Variants in PLAGL1 observed in about 807,000 individuals in gnomAD.
The protein encoded by PLAGL1 is zinc finger protein PLAGL1.
In PLAGL1, 1 loss-of-function variant was observed where a neutral mutation model predicts 4.6. The ratio of observed to expected loss-of-function variants is 0.22; its 90% CI spans 0.08 to 1.03. The LOEUF is 1.03. Among genes scored for constraint, PLAGL1 ranks in the 50% least tolerant of loss-of-function variants. PLAGL1 has a pLI of 0.58. For missense variants in PLAGL1, 464 were observed against 570.4 expected (o/e 0.81, Z 1.90); for synonymous variants, 240 against 237.8 (o/e 1.01, Z -0.08).
Position 143,960,467 on chromosome 6 carries a change from A to T in PLAGL1, c.-325+2T>A, listed in dbSNP as rs1410148810. On this transcript the variant is annotated splice_donor_variant, in intron 6 of 7. Transcript: ENST00000674357. LOFTEE classifies it low-confidence loss of function (5UTR_SPLICE). This position sits in a 1 kb window ranked among gnomAD's most constrained non-coding sequence, Gnocchi z 5.7. ...CTAGAAATAATCTTAAAACATGCGC[A>T]CCTACTGAGTGACAGGGAACATCTG... is the stretch of plus-strand genomic sequence containing the variant. The T allele has an allele frequency of 6.6e-6, 1 of 152,228 alleles. No individual in the cohort carries two copies. Among genetic ancestry groups the T allele is most frequent in the African/African-American group, 2.4e-5 (1 of 41,450 alleles). The allele number at this position is 152,228 out of a possible 1,614,324, so 9.4% of individuals were successfully genotyped here. A position where few individuals can be genotyped will look rare whatever the true frequency, so the allele number is the denominator to read the frequency against.
At position 144,032,191 on chromosome 6, in the gene PLAGL1, G is replaced by A. The variant is rs112589875; in HGVS notation, c.-151+32277C>T. Among the ~76,000 whole-genome samples the A allele has an allele frequency of 6.6e-4, 99 of 150,896 alleles. 1 individual carries two copies. The East Asian group carries it at 0.013, about 19-fold the overall frequency. ...GCTGGAGTGCAGTGACACAATCACA[G>A]CTCACTGCAGCCTCAACTTCCTGGG... On this transcript the variant is annotated intron_variant, in intron 1 of 3. Transcript: ENST00000437412.
intron 1 of PLAGL1, among the ~76,000 whole-genome samples, chr6:143,987,083 A>T (rs369468221): frequency 6.6e-6 from 1 of 152,240 alleles, no homozygotes; most frequent in Admixed American, 6.5e-5. Flanking sequence ...AAACATTTTC[A>T]GTTAAAAGGT....
At position 143,957,768 on chromosome 6, in the gene PLAGL1, A is replaced by G. The variant is rs1782461653; in HGVS notation, c.-325+2701T>C. ...ATCTGAGATCTAGAAAGGATGCTCAAGACTTGGGTGGACTGTTTGATCCTA... is the reference window on the plus strand; with the variant it reads ...ATCTGAGATCTAGAAAGGATGCTCAGGACTTGGGTGGACTGTTTGATCCTA... On this transcript the variant is annotated intron_variant, in intron 6 of 7. Coordinates refer to ENST00000674357, the MANE Select transcript of PLAGL1 (RefSeq NM_001317162.2). The surrounding 1 kb of genome is among the most constrained non-coding windows in gnomAD (Gnocchi z 4.2). Among the ~76,000 whole-genome samples, 1 of 152,228 alleles carries G rather than the reference A, an allele frequency of 6.6e-6. No homozygotes were observed. The highest frequency in any genetic ancestry group is 6.5e-5 in the Admixed American group (1 of 15,284).
chr6:144,010,618 T>C (rs1795107939), upstream of PLAGL1, among the ~76,000 whole-genome samples: 1 of 152,178 alleles, frequency 6.6e-6, no homozygotes. This position sits in a 1 kb window ranked among gnomAD's most constrained non-coding sequence, Gnocchi z 4.1. Context: ...AAATTTCATA[T>C]GGAACCAAAA....
In PLAGL1 at chr6:143,950,361, G is replaced by T. The variant is rs1035267178; in HGVS notation, c.-324-1901C>A. 2.0e-5 allele frequency among the ~76,000 whole-genome samples: 3 copies of T among 152,070 alleles called. No homozygotes were observed. The highest frequency in any genetic ancestry group is 7.2e-5 in the African/African-American group (3 of 41,410). ...TAGTTCATGCCTGAGGCCCTATCTT[G>T]AGGAATCCTCAACAGCCCTGGTCAC... On this transcript the variant is annotated intron_variant, in intron 6 of 7. Transcript: ENST00000674357. This position sits in a 1 kb window ranked among gnomAD's most constrained non-coding sequence, Gnocchi z 6.3.
intron 1 of PLAGL1, among the ~76,000 whole-genome samples, chr6:144,024,014 C>A (rs933373476): frequency 2.0e-5 from 3 of 152,010 alleles, no homozygotes; most frequent in Non-Finnish European, 4.4e-5. Context: ...TGGCCTCAAG[C>A]AATTGGCCCG....
At chr6:143,993,370 A>ACACACACACAAT (rs1790947795) in intron 1 of PLAGL1, among the ~76,000 whole-genome samples, 1 of 147,516 alleles carries the variant, frequency 6.8e-6, no homozygotes, top group Non-Finnish European at 1.5e-5. Flanking sequence ...ACACACACAC[A>ACACACACACAAT]ATTGACATGT....
rs984050904 is a variant in PLAGL1 at position 143,989,062 on chromosome 6, C to T, written c.-583-3888G>A. Among the ~76,000 whole-genome samples, 7 of 152,124 alleles carry T rather than the reference C, an allele frequency of 4.6e-5. No homozygotes were observed. The highest frequency in any genetic ancestry group is 4.6e-4 in the Admixed American group (7 of 15,278). ...AGAGGGAGAAAAATTCAGAGTAGAC[C>T]ACTCAAAACCTATGCACTTTTGTAA... On this transcript the variant is annotated intron_variant, in intron 1 of 7. Transcript: ENST00000674357. The surrounding 1 kb of genome is among the most constrained non-coding windows in gnomAD (Gnocchi z 4.8).
At chr6:143,976,287 T>TTC (rs1786524673) in intron 2 of PLAGL1, among the ~76,000 whole-genome samples, 1 of 145,018 alleles carries the variant, frequency 6.9e-6, no homozygotes, top group East Asian at 2.0e-4. Context: ...TTTCTTTTCT[T>TTC]TTTTTTTTTT....
intron 1 of PLAGL1, among the ~76,000 whole-genome samples, chr6:144,045,777 G>A (rs1001041901): frequency 6.6e-6 from 1 of 152,224 alleles, no homozygotes; most frequent in African/African-American, 2.4e-5. Context: ...ATATCCTGAA[G>A]AGTGTTTTCC....
rs959674021 is a variant in PLAGL1 at position 143,945,871 on chromosome 6, G to A, written c.152+2114C>T. On this transcript the variant is annotated intron_variant, in intron 7 of 7. Coordinates refer to ENST00000674357, the MANE Select transcript of PLAGL1 (RefSeq NM_001317162.2). This position sits in a 1 kb window ranked among gnomAD's most constrained non-coding sequence, Gnocchi z 4.2. ...CGAGAGGCAAGAAATGCTGGGGGCT[G>A]AGGCAGGGAAGGCGGTTCTTGCATA... Among the ~76,000 whole-genome samples the A allele has an allele frequency of 2.0e-5, 3 of 152,172 alleles. No individual in the cohort carries two copies. The highest frequency in any genetic ancestry group is 7.2e-5 in the African/African-American group (3 of 41,448).
rs1274117422 is a variant in PLAGL1 at position 144,039,281 on chromosome 6, A to T, written c.-151+25187T>A. Among the ~76,000 whole-genome samples, 11 of 152,208 alleles carry T rather than the reference A, an allele frequency of 7.2e-5. No individual in the cohort carries two copies. Among genetic ancestry groups the T allele is most frequent in the Admixed American group, 7.2e-4 (11 of 15,274 alleles). On this transcript the variant is annotated intron_variant, in intron 1 of 3. Transcript: ENST00000437412. The surrounding 1 kb of genome is among the most constrained non-coding windows in gnomAD (Gnocchi z 4.1). ...TGACTTCATTAGTCATCAGATAATGAAATTTTAAAATATCACATGCTGGCC... is the reference window on the plus strand; with the variant it reads ...TGACTTCATTAGTCATCAGATAATGTAATTTTAAAATATCACATGCTGGCC...
At position 143,943,074 on chromosome 6, in the gene PLAGL1, C is replaced by T. The variant is rs910549693; in HGVS notation, c.153-411G>A. Among the ~76,000 whole-genome samples, 8 of 122,588 alleles carry T rather than the reference C, an allele frequency of 6.5e-5. No individual in the cohort carries two copies. In the South Asian group the frequency reaches 1.2e-3, roughly 18 times the overall value. 80.4% of individuals were successfully genotyped at this position (122,588 alleles called of 152,430 possible). On this transcript the variant is annotated intron_variant, in intron 7 of 7. Coordinates refer to ENST00000674357, the MANE Select transcript of PLAGL1 (RefSeq NM_001317162.2). ...TTGAGACAAGGTCTCACTATACCCA[C>T]GCTGGTCTCAAACTCCTGGGCTCAA...
chr6:144,024,970 A>T (rs1796230295), intron 1 of PLAGL1, among the ~76,000 whole-genome samples: 1 of 152,240 alleles, frequency 6.6e-6, no homozygotes, highest in Non-Finnish European at 1.5e-5. Flanking sequence ...TCCACTCTCC[A>T]GGAGATGAGG....
In PLAGL1 at chr6:144,005,436, C is replaced by G. The variant is rs1793965315; in HGVS notation, c.-584+2654G>C. ...GGTACTGTATGTGACAGAAGTGGCA[C>G]TGCTAATCACTGATATTGGGACAAT... On this transcript the variant is annotated intron_variant, in intron 1 of 7. Transcript: ENST00000674357. This position sits in a 1 kb window ranked among gnomAD's most constrained non-coding sequence, Gnocchi z 4.6. The G allele has an allele frequency of 6.6e-6, 1 of 152,182 alleles. No individual in the cohort carries two copies. The highest frequency in any genetic ancestry group is 2.1e-4 in the South Asian group (1 of 4,832). The allele number at this position is 152,182 out of a possible 1,614,324, so 9.4% of individuals were successfully genotyped here.
At position 143,985,151 on chromosome 6, in the gene PLAGL1, G is replaced by A. The variant is rs1788735368; in HGVS notation, c.-560C>T. The A allele has an allele frequency of 6.6e-6, 1 of 152,162 alleles. No homozygotes were observed. The allele number at this position is 152,162 out of a possible 1,614,324, so 9.4% of individuals were successfully genotyped here. On this transcript the variant is annotated 5_prime_UTR_variant, in exon 2 of 8. Coordinates refer to ENST00000674357, the MANE Select transcript of PLAGL1 (RefSeq NM_001317162.2). The surrounding 1 kb of genome is among the most constrained non-coding windows in gnomAD (Gnocchi z 4.4). ...TCAGCTTACAAAAGCCAATCACGATGTTTATGAATCAGGCAGGAACAATCT... is the reference window on the plus strand; with the variant it reads ...TCAGCTTACAAAAGCCAATCACGATATTTATGAATCAGGCAGGAACAATCT...
At chr6:144,029,989 C>T (rs888344780) in intron 1 of PLAGL1, among the ~76,000 whole-genome samples, 6 of 152,040 alleles carry the variant, frequency 3.9e-5, no homozygotes, top group Admixed American at 6.6e-5. Context: ...CGCGGTGGCT[C>T]ACGCCTGTAA....
At chr6:143,976,672 C>T (rs1418805048) in intron 2 of PLAGL1, among the ~76,000 whole-genome samples, 3 of 152,128 alleles carry the variant, frequency 2.0e-5, no homozygotes, top group Admixed American at 6.6e-5. Context: ...ATATGTCTTG[C>T]TAAAGAAACT....
chr6:143,991,712 C>A (rs1790513095), intron 1 of PLAGL1, among the ~76,000 whole-genome samples: 1 of 152,246 alleles, frequency 6.6e-6, no homozygotes, highest in African/African-American at 2.4e-5. Context: ...CTAGGCTATG[C>A]TCCTGGTTCC....
Sources: allele counts gnomAD v4.1 joint callset (sites outside exome capture counted in the v4.1 genomes callset), GRCh38; gene constraint gnomAD v4.1.1; non-coding constraint Gnocchi (gnomAD v3.1); transcripts MANE v1.5; gene names NCBI Gene and HGNC (gene_info 2026-07-23, HGNC 2026-07-21).